PCDHGA11: variants seen among roughly 807,000 people sequenced by gnomAD.
The protein encoded by PCDHGA11 is protocadherin gamma subfamily A, 11, also known as protocadherin gamma-A11.
Under a neutral mutation model 60.4 loss-of-function variants are expected in PCDHGA11, and 39 were observed. The observed-to-expected ratio is 0.65, with a 90% CI of 0.50 to 0.84. PCDHGA11 has a LOEUF of 0.84. Ranked by LOEUF, PCDHGA11 falls within the 40% of genes least tolerant of loss-of-function variation. The pLI, the probability that PCDHGA11 is intolerant of heterozygous loss-of-function variation, is 0.00. For missense variants in PCDHGA11, 1,165 were observed against 1,197.7 expected, an observed-to-expected ratio of 0.97 and a Z score of 0.40; for synonymous variants, 533 against 510.3, an observed-to-expected ratio of 1.04 and a Z score of -0.60.
At chr5:141,425,392 A>G (rs2096872216) in intron 1 of PCDHGA11, among the ~76,000 whole-genome samples, 1 of 152,232 alleles carries the variant, frequency 6.6e-6, no homozygotes, top group African/African-American at 2.4e-5. Flanking sequence ...GGTAGTGATA[A>G]AGTTCTGTTA....
chr5:141,490,151 T>C lies in PCDHGA11; in HGVS notation c.2434-4656T>C, dbSNP rs1449636059. The stretch of plus-strand genomic sequence containing the variant: ...GACCCTAGCAGTGGGGCAATCCATG[T>C]GTTGGGTCCCATAGACTTTGAGGAG... On this transcript the variant is annotated intron_variant, in intron 1 of 3. Transcript: ENST00000398587. The surrounding 1 kb of genome is among the most constrained non-coding windows in gnomAD (Gnocchi z 5.4). 4 of 1,614,210 alleles carry C rather than the reference T, an allele frequency of 2.5e-6. No homozygotes were observed. The highest frequency in any genetic ancestry group is 3.4e-6 in the Non-Finnish European group (4 of 1,180,018).
At chr5:141,452,635 T>C (rs1426970634) in intron 1 of PCDHGA11, among the ~76,000 whole-genome samples, 1 of 152,086 alleles carries the variant, frequency 6.6e-6, no homozygotes, top group Non-Finnish European at 1.5e-5. Context: ...GCTATGAATA[T>C]ATTTACTCAT....
chr5:141,433,017 A>T, intron 1 of PCDHGA11: 1 of 1,614,124 alleles, frequency 6.2e-7, no homozygotes, highest in Non-Finnish European at 8.5e-7. Flanking sequence ...CTGCAGACCT[A>T]TTCCCACGAG....
intron 1 of PCDHGA11, among the ~76,000 whole-genome samples, chr5:141,467,824 G>A (rs1272399938): frequency 2.0e-5 from 3 of 151,798 alleles, no homozygotes; most frequent in Non-Finnish European, 4.4e-5. Flanking sequence ...ACACCAGGCT[G>A]ATTTTTATAT....
In PCDHGA11 at chr5:141,489,126, T is replaced by C; in HGVS notation, c.2434-5681T>C. ...TGCAAGCAGGCAAACCTCCGAGCAG[T>C]TTTTAAGAGGCTGGAAGGAGACATA... On this transcript the variant is annotated intron_variant, in intron 1 of 3. Coordinates refer to ENST00000398587, the MANE Select transcript of PCDHGA11 (RefSeq NM_018914.3). This position sits in a 1 kb window ranked among gnomAD's most constrained non-coding sequence, Gnocchi z 4.5. 1.7e-6 allele frequency: 1 copy of C among 585,136 alleles called. No individual in the cohort carries two copies. Among genetic ancestry groups the C allele is most frequent in the South Asian group, 3.2e-5 (1 of 31,406 alleles). The allele number at this position is 585,136 out of a possible 1,614,324, so 36.2% of individuals were successfully genotyped here. A position where few individuals can be genotyped will look rare whatever the true frequency, so the allele number is the denominator to read the frequency against.
In PCDHGA11 at chr5:141,477,005, T is replaced by C; in HGVS notation, c.2434-17802T>C. The C allele has an allele frequency of 1.2e-6, 2 of 1,614,240 alleles. No individual in the cohort carries two copies. Among genetic ancestry groups the C allele is most frequent in the Non-Finnish European group, 1.7e-6 (2 of 1,180,040 alleles). Reference sequence around the variant, plus strand: ...CGCCGGCGTGCGGCAACTATTCGCCTTAGACCTTGTAACCGGGATGCTGAC... The same window carrying C: ...CGCCGGCGTGCGGCAACTATTCGCCCTAGACCTTGTAACCGGGATGCTGAC... On this transcript the variant is annotated intron_variant, in intron 1 of 3. Transcript: ENST00000398587. The surrounding 1 kb of genome is among the most constrained non-coding windows in gnomAD (Gnocchi z 4.9).
At chr5:141,441,718 C>A in intron 1 of PCDHGA11, 1 of 344,940 alleles carries the variant, frequency 2.9e-6, no homozygotes, top group Non-Finnish European at 5.7e-6. Flanking sequence ...ACGCTGCAGG[C>A]CCGCGACCAG....
chr5:141,497,125 G>A (rs968031174), intron 2 of PCDHGA11, among the ~76,000 whole-genome samples: 1 of 152,094 alleles, frequency 6.6e-6, no homozygotes, highest in South Asian at 2.1e-4. Context: ...GGCAGAGGTT[G>A]CAGTGAGCTG....
At position 141,432,195 on chromosome 5, in the gene PCDHGA11, C is replaced by G; in HGVS notation, c.2433+8535C>G. 1 of 1,614,206 alleles carries G rather than the reference C, an allele frequency of 6.2e-7. No individual in the cohort carries two copies. The highest frequency in any genetic ancestry group is 8.5e-7 in the Non-Finnish European group (1 of 1,180,050). On this transcript the variant is annotated intron_variant, in intron 1 of 3. Transcript: ENST00000398587. The surrounding 1 kb of genome is among the most constrained non-coding windows in gnomAD (Gnocchi z 6.0). ...CTCGTCTCTGTGACCGCCCACGACC[C>G]CGACTGTGAAGAGAACGCCCAGATC...
chr5:141,489,348 G>T lies in PCDHGA11; in HGVS notation c.2434-5459G>T. On this transcript the variant is annotated intron_variant, in intron 1 of 3. Coordinates refer to ENST00000398587, the MANE Select transcript of PCDHGA11 (RefSeq NM_018914.3). The surrounding 1 kb of genome is among the most constrained non-coding windows in gnomAD (Gnocchi z 4.5). ...CTGGGCAGCTTCGTTACTCAGTGGT[G>T]GAGGAGTCTGAGCCGGGGACGCTGG... is the stretch of plus-strand genomic sequence containing the variant. 1 of 1,611,876 alleles carries T rather than the reference G, an allele frequency of 6.2e-7. No homozygotes were observed. The highest frequency in any genetic ancestry group is 8.5e-7 in the Non-Finnish European group (1 of 1,178,502).
intron 1 of PCDHGA11, chr5:141,430,853 C>A: frequency 6.3e-7 from 1 of 1,587,214 alleles, no homozygotes; most frequent in Non-Finnish European, 8.6e-7. Flanking sequence ...CACCCAGATA[C>A]GCTATTCAGT....
chr5:141,473,944 C>T (rs1279694347), intron 1 of PCDHGA11, among the ~76,000 whole-genome samples: 1 of 152,156 alleles, frequency 6.6e-6, no homozygotes, highest in Non-Finnish European at 1.5e-5. Context: ...TAGCTCAGGC[C>T]TGTAGTCCCA....
At chr5:141,502,368 G>A (rs2099813930) in intron 2 of PCDHGA11, among the ~76,000 whole-genome samples, 1 of 151,996 alleles carries the variant, frequency 6.6e-6, no homozygotes, top group East Asian at 1.9e-4. Context: ...TATTTTTAAA[G>A]AGTCCAGGCC....
At chr5:141,470,648 C>T (rs1188305813) in intron 1 of PCDHGA11, among the ~76,000 whole-genome samples, 1 of 152,066 alleles carries the variant, frequency 6.6e-6, no homozygotes, top group Non-Finnish European at 1.5e-5. Context: ...TTTGAAGGCC[C>T]CTACCCTTTG....
At chr5:141,483,179 G>C (rs2099577971) in intron 1 of PCDHGA11, among the ~76,000 whole-genome samples, 2 of 152,294 alleles carry the variant, frequency 1.3e-5, no homozygotes, top group African/African-American at 4.8e-5. Flanking sequence ...TTTGGGCCAA[G>C]CCAAGGAGTT....
chr5:141,463,125 G>A (rs2099053159), intron 1 of PCDHGA11, among the ~76,000 whole-genome samples: 3 of 152,192 alleles, frequency 2.0e-5, no homozygotes, highest in East Asian at 1.9e-4. Context: ...ATAGCTCCCT[G>A]GCAGTTCTTC....
At chr5:141,427,529 G>A (rs1464520351) in intron 1 of PCDHGA11, 1 of 619,898 alleles carries the variant, frequency 1.6e-6, no homozygotes, top group African/African-American at 1.8e-5. Context: ...GGATCCCGGA[G>A]TACAACGTCA....
At chr5:141,455,686 G>A (rs1282071031) in intron 1 of PCDHGA11, among the ~76,000 whole-genome samples, 1 of 152,094 alleles carries the variant, frequency 6.6e-6, no homozygotes. Context: ...AAGGCTGTGG[G>A]AATCGCCAAG....
chr5:141,426,614 G>T (rs1468159807), intron 1 of PCDHGA11: 25 of 385,508 alleles, frequency 6.5e-5, no homozygotes, highest in Non-Finnish European at 1.3e-4. Context: ...TTGTAGCAGA[G>T]AATCCTCTAA....
Sources: allele counts gnomAD v4.1 joint callset (sites outside exome capture counted in the v4.1 genomes callset), GRCh38; gene constraint gnomAD v4.1.1; non-coding constraint Gnocchi (gnomAD v3.1); transcripts MANE v1.5; gene names NCBI Gene and HGNC (gene_info 2026-07-23, HGNC 2026-07-21).